SEMA3C: variants seen among roughly 807,000 people sequenced by gnomAD.
SEMA3C encodes the protein semaphorin-3C.
A neutral mutation model predicts 89.4 loss-of-function variants in SEMA3C; 47 were observed. That is an observed-to-expected ratio of 0.53 (90% CI 0.42 to 0.67). SEMA3C has a LOEUF of 0.67. SEMA3C is among the 30% of genes least tolerant of loss of function. The pLI is 0.00. For missense variants in SEMA3C, 839 were observed against 929.1 expected, an observed-to-expected ratio of 0.90 and a Z score of 1.26; for synonymous variants, 310 against 320.2, an observed-to-expected ratio of 0.97 and a Z score of 0.34.
chr7:80,786,931 G>T (rs566324844), intron 12 of SEMA3C, among the ~76,000 whole-genome samples: 1 of 152,308 alleles, frequency 6.6e-6, no homozygotes, highest in East Asian at 1.9e-4. Flanking sequence ...CATGATGTTT[G>T]AAATGTTAAT....
intron 6 of SEMA3C, among the ~76,000 whole-genome samples, chr7:80,808,755 T>TC (rs1385707597): frequency 1.3e-5 from 2 of 152,120 alleles, no homozygotes; most frequent in African/African-American, 4.8e-5. Flanking sequence ...CATACTAAAA[T>TC]CCAACATTTG....
intron 12 of SEMA3C, among the ~76,000 whole-genome samples, chr7:80,774,119 T>A (rs751391218): frequency 6.6e-6 from 1 of 152,194 alleles, no homozygotes; most frequent in African/African-American, 2.4e-5. Context: ...TTGAGTCCTG[T>A]AAAACTGGAG....
chr7:80,817,848 A>G (rs1583906828), intron 5 of SEMA3C, among the ~76,000 whole-genome samples: 1 of 152,148 alleles, frequency 6.6e-6, no homozygotes, highest in Non-Finnish European at 1.5e-5. Flanking sequence ...TGAATTTGAA[A>G]GACAAGAAAT....
chr7:80,777,401 C>T (rs890294803), intron 12 of SEMA3C, among the ~76,000 whole-genome samples: 2 of 152,166 alleles, frequency 1.3e-5, no homozygotes, highest in Non-Finnish European at 2.9e-5. Flanking sequence ...AAGCGATTCT[C>T]CTGTGTCAGC....
chr7:80,820,993 A>C (rs150274350), intron 4 of SEMA3C, among the ~76,000 whole-genome samples: 129 of 152,326 alleles, frequency 8.5e-4, no homozygotes, highest in African/African-American at 3.0e-3. Flanking sequence ...TATTGGTAAA[A>C]TGAAAGAAGT....
chr7:80,834,871 A>G (rs1446794741), intron 2 of SEMA3C, among the ~76,000 whole-genome samples: 4 of 152,170 alleles, frequency 2.6e-5, no homozygotes, highest in Non-Finnish European at 4.4e-5. Context: ...TACAATGTTA[A>G]TGCTATGTAA....
intron 2 of SEMA3C, among the ~76,000 whole-genome samples, chr7:80,903,717 A>G (rs1342513764): frequency 6.6e-6 from 1 of 152,198 alleles, no homozygotes; most frequent in Non-Finnish European, 1.5e-5. Flanking sequence ...GTCCTTCTCA[A>G]TGGAAACATC....
At chr7:80,848,860 G>A (rs558413245) in intron 2 of SEMA3C, among the ~76,000 whole-genome samples, 2 of 151,972 alleles carry the variant, frequency 1.3e-5, no homozygotes, top group African/African-American at 2.4e-5. Context: ...TCAATTTACG[G>A]TGGTTTTATT....
chr7:80,851,861 T>C (rs1451928610), intron 2 of SEMA3C, among the ~76,000 whole-genome samples: 1 of 152,166 alleles, frequency 6.6e-6, no homozygotes, highest in Non-Finnish European at 1.5e-5. Flanking sequence ...TGGTACATTT[T>C]CATGAAAGAA....
chr7:80,790,108 T>C (rs915687729), intron 11 of SEMA3C, among the ~76,000 whole-genome samples: 1 of 151,756 alleles, frequency 6.6e-6, no homozygotes, highest in Non-Finnish European at 1.5e-5. Context: ...CATAGCAAAA[T>C]TTCATCTCTG....
intron 2 of SEMA3C, among the ~76,000 whole-genome samples, chr7:80,835,054 A>C (rs1200364099): frequency 6.6e-6 from 1 of 152,154 alleles, no homozygotes; most frequent in East Asian, 1.9e-4. Flanking sequence ...AGGGTAACTC[A>C]TTCATTCAGA....
chr7:80,840,579 G>A (rs1445368281), intron 2 of SEMA3C, among the ~76,000 whole-genome samples: 1 of 150,280 alleles, frequency 6.7e-6, no homozygotes, highest in African/African-American at 2.4e-5. Flanking sequence ...TAAATGCCAG[G>A]AGCTAGGTAA....
At chr7:80,834,089 T>G (rs1030312081) in intron 2 of SEMA3C, among the ~76,000 whole-genome samples, 1 of 152,104 alleles carries the variant, frequency 6.6e-6, no homozygotes, top group Non-Finnish European at 1.5e-5. Context: ...ACATGCTCAA[T>G]TAACGAATAA....
Position 80,863,218 on chromosome 7 carries a change from G to A in SEMA3C, c.104-34473C>T, listed in dbSNP as rs56659993. On this transcript the variant is annotated intron_variant, in intron 2 of 17. Transcript: ENST00000265361. ...TTGCACTCCAGCCTGGTGACAGAGC[G>A]AGACTCCATCTTAAAAAAAAAAAAA... 6.6e-3 allele frequency among the ~76,000 whole-genome samples: 959 copies of A among 146,136 alleles called. 45 individuals are homozygous for A. In the East Asian group the frequency reaches 0.12, roughly 19 times the overall value.
intron 2 of SEMA3C, among the ~76,000 whole-genome samples, chr7:80,840,261 T>C (rs2115873241): frequency 6.6e-6 from 1 of 152,214 alleles, no homozygotes; most frequent in East Asian, 1.9e-4. Context: ...AGCTCATGCC[T>C]GTAATCCGAA....
At chr7:80,905,748 G>T in intron 2 of SEMA3C, 1 of 723,670 alleles carries the variant, frequency 1.4e-6, no homozygotes, top group Non-Finnish European at 2.1e-6. Context: ...GTCACCTTCT[G>T]TGAGGTGTCT....
intron 1 of SEMA3C, among the ~76,000 whole-genome samples, chr7:80,917,675 C>G (rs1003081831): frequency 9.2e-5 from 14 of 152,162 alleles, no homozygotes; most frequent in African/African-American, 3.4e-4. Flanking sequence ...CCTACAGGAG[C>G]TCTAGTGGCT....
At chr7:80,913,941 A>G (rs1334391593) in intron 2 of SEMA3C, among the ~76,000 whole-genome samples, 1 of 152,230 alleles carries the variant, frequency 6.6e-6, no homozygotes, top group African/African-American at 2.4e-5. Flanking sequence ...CGGAAGTAAC[A>G]CAAGACTGAG....
chr7:80,821,160 G>A (rs1319982037), intron 4 of SEMA3C, among the ~76,000 whole-genome samples: 1 of 152,082 alleles, frequency 6.6e-6, no homozygotes, highest in Non-Finnish European at 1.5e-5. Flanking sequence ...CCTCTAGAAA[G>A]TTTGATTTTT....
Sources: gnomAD v4.1 joint callset for allele counts (sites outside exome capture counted in the v4.1 genomes callset) on GRCh38, gnomAD v4.1.1 for gene constraint, MANE v1.5 for transcripts, NCBI Gene and HGNC (gene_info 2026-07-23, HGNC 2026-07-21) for gene names.